RAI2: variants seen among roughly 807,000 people sequenced by gnomAD.
RAI2 encodes the protein retinoic acid-induced protein 2.
RAI2 carries 5 observed loss-of-function variants against 15.3 expected under a neutral mutation model. The ratio of observed to expected loss-of-function variants is 0.33; its 90% confidence interval spans 0.17 to 0.69. The LOEUF (loss-of-function observed/expected upper bound fraction) is 0.69. RAI2 is among the 30% of genes least tolerant of loss of function. The probability of loss-of-function intolerance (pLI) is 0.69; values close to 1 mark genes in which losing one functional copy is unlikely to be tolerated. For synonymous variants in RAI2, 191 were observed against 184.0 expected (o/e 1.04, Z -0.31); for missense variants, 424 against 424.7 (o/e 1.00, Z 0.01).
intron 1 of RAI2, among the ~76,000 whole-genome samples, chrX:17,826,162 G>A (rs961025667): frequency 2.7e-5 from 3 of 112,332 alleles, no homozygotes; most frequent in Non-Finnish European, 3.8e-5. Flanking sequence ...CCTGCCTCAG[G>A]GCCTTTGTAC....
At chrX:17,810,758 C>G (rs761397109) in intron 1 of RAI2, among the ~76,000 whole-genome samples, 4 of 112,819 alleles carry the variant, frequency 3.5e-5, no homozygotes, top group Non-Finnish European at 7.5e-5. Context: ...CGCAAAGGAT[C>G]TATGATGGGT....
chrX:17,831,687 C>T (rs2067283876), intron 1 of RAI2, among the ~76,000 whole-genome samples: 1 of 112,456 alleles, frequency 8.9e-6, no homozygotes, highest in East Asian at 2.8e-4. Context: ...ATGTTTTGCA[C>T]CAGCCAGTAA....
intron 1 of RAI2, among the ~76,000 whole-genome samples, chrX:17,858,990 C>T (rs1042231060): frequency 9.0e-6 from 1 of 111,411 alleles, no homozygotes; most frequent in African/African-American, 3.3e-5. Flanking sequence ...TCTGTCAGGA[C>T]GAGAAGCGAG....
chrX:17,858,963 G>T (rs1446984886), intron 1 of RAI2, among the ~76,000 whole-genome samples: 1 of 111,480 alleles, frequency 9.0e-6, no homozygotes, highest in African/African-American at 3.3e-5. Context: ...CTGCCCTGGG[G>T]ATGCCTCTAG....
intron 1 of RAI2, among the ~76,000 whole-genome samples, chrX:17,826,963 A>T (rs1347619658): frequency 8.9e-6 from 1 of 112,640 alleles, no homozygotes; most frequent in Non-Finnish European, 1.9e-5. Context: ...TCTTTATAGC[A>T]ATGTGAAAAC....
chrX:17,846,903 T>C (rs978051840), intron 1 of RAI2, among the ~76,000 whole-genome samples: 1 of 112,119 alleles, frequency 8.9e-6, no homozygotes, highest in African/African-American at 3.2e-5. Flanking sequence ...CATAATTGAA[T>C]CATGGGAGTG....
chrX:17,803,535 AAAAG>A (rs1456076022), intron 1 of RAI2, among the ~76,000 whole-genome samples: 2 of 110,830 alleles, frequency 1.8e-5, no homozygotes, highest in Non-Finnish European at 3.8e-5. Flanking sequence ...CTTTAAAAAA[AAAAG>A]AAAAGAAAAG....
At chrX:17,840,348 C>G (rs764443112) in intron 1 of RAI2, among the ~76,000 whole-genome samples, 2 of 111,414 alleles carry the variant, frequency 1.8e-5, no homozygotes, top group South Asian at 7.6e-4. Flanking sequence ...ATGCCACCCT[C>G]TGTGCCAATC....
intron 1 of RAI2, among the ~76,000 whole-genome samples, chrX:17,827,024 A>C (rs1430233659): frequency 3.6e-5 from 4 of 112,517 alleles, no homozygotes; most frequent in Non-Finnish European, 7.5e-5. Flanking sequence ...AGATATAGAG[A>C]GTTGAGTCAT....
rs1442519731 is a variant in RAI2 at position 17,847,607 on chromosome X, G to T, written c.-25+13491C>A. On this transcript the variant is annotated intron_variant, in intron 1 of 1. Coordinates refer to ENST00000451717, the MANE Select transcript of RAI2 (RefSeq NM_021785.6). ...AGCACATATATTAAAGCCCTGCAGT[G>T]GTTCAACTCCATCTTAGGTTTGGAG... 1.8e-5 allele frequency among the ~76,000 whole-genome samples: 2 copies of T among 112,864 alleles called. 1 individual carries two copies. The highest frequency in any genetic ancestry group is 5.5e-4 in the East Asian group (2 of 3,610).
chrX:17,854,216 A>G (rs2067570558), intron 1 of RAI2, among the ~76,000 whole-genome samples: 1 of 112,048 alleles, frequency 8.9e-6, no homozygotes, highest in South Asian at 3.7e-4. Flanking sequence ...GGCTTTCCAA[A>G]TGCCCTCAAA....
At chrX:17,815,559 T>G (rs2067098359) in intron 1 of RAI2, among the ~76,000 whole-genome samples, 1 of 110,757 alleles carries the variant, frequency 9.0e-6, no homozygotes, top group Admixed American at 9.6e-5. Context: ...GCGCAGGAGA[T>G]GGTGGAATGG....
At chrX:17,831,564 C>G (rs774902360) in intron 1 of RAI2, among the ~76,000 whole-genome samples, 1 of 111,776 alleles carries the variant, frequency 8.9e-6, no homozygotes, top group Non-Finnish European at 1.9e-5. Context: ...TCACCCCTCT[C>G]CCCATTTTAT....
chrX:17,817,811 C>T (rs1004841426), intron 1 of RAI2, among the ~76,000 whole-genome samples: 1 of 112,544 alleles, frequency 8.9e-6, no homozygotes, highest in African/African-American at 3.2e-5. Context: ...TCTACCTTCT[C>T]CCCACACTGG....
At chrX:17,826,177 C>T (rs987463142) in intron 1 of RAI2, among the ~76,000 whole-genome samples, 1 of 112,269 alleles carries the variant, frequency 8.9e-6, no homozygotes, top group African/African-American at 3.2e-5. Flanking sequence ...TTGTACTGGC[C>T]ATTTCCTTGG....
chrX:17,810,722 C>T (rs1020658188), intron 1 of RAI2, among the ~76,000 whole-genome samples: 7 of 112,451 alleles, frequency 6.2e-5, no homozygotes, highest in African/African-American at 2.3e-4. Context: ...CCTGGTTTTC[C>T]AAGCCCCTAC....
chrX:17,852,529 A>G (rs979554194), intron 1 of RAI2, among the ~76,000 whole-genome samples: 5 of 111,840 alleles, frequency 4.5e-5, no homozygotes, highest in African/African-American at 1.6e-4. Flanking sequence ...TCCCTGTATA[A>G]TGAGTGATCC....
chrX:17,832,499 C>A (rs951960206), intron 1 of RAI2, among the ~76,000 whole-genome samples: 1 of 112,047 alleles, frequency 8.9e-6, no homozygotes, highest in Non-Finnish European at 1.9e-5. Context: ...AAATGACTAC[C>A]TTAGCCACAC....
chrX:17,805,809 G>A (rs1423232833), intron 1 of RAI2, among the ~76,000 whole-genome samples: 1 of 112,414 alleles, frequency 8.9e-6, no homozygotes, highest in Non-Finnish European at 1.9e-5. Context: ...GAGAGCTGCT[G>A]GCCCTGAGAC....
Sources: gnomAD v4.1 joint callset for allele counts (sites outside exome capture counted in the v4.1 genomes callset) on GRCh38, gnomAD v4.1.1 for gene constraint, MANE v1.5 for transcripts, NCBI Gene and HGNC (gene_info 2026-07-23, HGNC 2026-07-21) for gene names.